The following AGAP1 variants were observed in gnomAD, a reference collection of about 807,000 sequenced individuals.
AGAP1 encodes arf-GAP with GTPase, ANK repeat and PH domain-containing protein 1.
Under a neutral mutation model 105.3 loss-of-function variants are expected in AGAP1, and 29 were observed. That is an observed-to-expected ratio of 0.28 (90% CI 0.21 to 0.38). The LOEUF is 0.38. Among genes scored for constraint, AGAP1 ranks in the 10% least tolerant of loss-of-function variants. AGAP1 has a pLI of 1.00. For missense variants in AGAP1, 998 were observed against 1,165.1 expected (o/e 0.86, Z 2.09); for synonymous variants, 509 against 485.9 (o/e 1.05, Z -0.63).
intron 6 of AGAP1, among the ~76,000 whole-genome samples, chr2:235,764,282 ATC>A (rs1262771051): frequency 6.6e-6 from 1 of 152,052 alleles, no homozygotes; most frequent in Non-Finnish European, 1.5e-5. Context: ...GGGCTTGAGA[ATC>A]TCTCTCTACC....
In AGAP1 at chr2:235,992,204, T is replaced by A. The variant is rs1184940629; in HGVS notation, c.1645+23581T>A. 6.6e-6 allele frequency among the ~76,000 whole-genome samples: 1 copy of A among 151,818 alleles called. No homozygotes were observed. Among genetic ancestry groups the A allele is most frequent in the East Asian group, 1.9e-4 (1 of 5,150 alleles). On this transcript the variant is annotated intron_variant, in intron 13 of 17. Transcript: ENST00000304032. The surrounding 1 kb of genome is among the most constrained non-coding windows in gnomAD (Gnocchi z 4.8). ...GTTAGGAGCGCAGCGGAGGAGCCGG[T>A]CTTCCTGGGTCCATGTTGCGTGGTT...
At chr2:235,972,281 AC>A (rs1171045449) in intron 13 of AGAP1, among the ~76,000 whole-genome samples, 1 of 152,214 alleles carries the variant, frequency 6.6e-6, no homozygotes, top group Non-Finnish European at 1.5e-5. Context: ...CCCTATTGGA[AC>A]AAATAACTAG....
At chr2:236,024,866 C>G (rs192511805) in intron 13 of AGAP1, among the ~76,000 whole-genome samples, 5 of 152,300 alleles carry the variant, frequency 3.3e-5, no homozygotes, top group Admixed American at 1.3e-4. Context: ...TGCTAAAATA[C>G]TATTATAGTG....
At position 235,614,455 on chromosome 2, in the gene AGAP1, A is replaced by C. The variant is rs1946242680; in HGVS notation, c.164-94724A>C. 6.6e-6 allele frequency among the ~76,000 whole-genome samples: 1 copy of C among 151,986 alleles called. No homozygotes were observed. Among genetic ancestry groups the C allele is most frequent in the Non-Finnish European group, 1.5e-5 (1 of 68,002 alleles). On this transcript the variant is annotated intron_variant, in intron 1 of 17. Transcript: ENST00000304032. The surrounding 1 kb of genome is among the most constrained non-coding windows in gnomAD (Gnocchi z 4.7). ...ATGGGCTGGATGTATTTGGGGAGGGAAGAAGGCAGTTGTAGCTCAAGGGAG... is the reference window on the plus strand; with the variant it reads ...ATGGGCTGGATGTATTTGGGGAGGGCAGAAGGCAGTTGTAGCTCAAGGGAG...
chr2:235,686,588 C>CACATACATAT lies in AGAP1; in HGVS notation c.164-22591_164-22590insACATACATAT, dbSNP rs1553605459. Among the ~76,000 whole-genome samples, 313 of 108,514 alleles carry CACATACATAT rather than the reference C, an allele frequency of 2.9e-3. 4 individuals carry two copies. The highest frequency in any genetic ancestry group is 0.01 in the African/African-American group (301 of 29,762). 71.2% of individuals were successfully genotyped at this position (108,514 alleles called of 152,430 possible). A position where few individuals can be genotyped will look rare whatever the true frequency, so the allele number is the denominator to read the frequency against. ...ACACACACACACACACACACACACA[C>CACATACATAT]GTGTGTGTGTATATATATACGTGGA... On this transcript the variant is annotated intron_variant, in intron 1 of 17. Coordinates refer to ENST00000304032, the MANE Select transcript of AGAP1 (RefSeq NM_001037131.3).
chr2:235,666,967 G>A (rs1029957794), intron 1 of AGAP1, among the ~76,000 whole-genome samples: 1 of 152,094 alleles, frequency 6.6e-6, no homozygotes, highest in Non-Finnish European at 1.5e-5. Flanking sequence ...TCCCACCCTT[G>A]ACAGTAGCAG....
chr2:235,599,519 C>T lies in AGAP1; in HGVS notation c.163+104670C>T, dbSNP rs1945657366. 6.6e-6 allele frequency among the ~76,000 whole-genome samples: 1 copy of T among 152,256 alleles called. No homozygotes were observed. The highest frequency in any genetic ancestry group is 1.5e-5 in the Non-Finnish European group (1 of 68,022). On this transcript the variant is annotated intron_variant, in intron 1 of 17. Transcript: ENST00000304032. This position sits in a 1 kb window ranked among gnomAD's most constrained non-coding sequence, Gnocchi z 5.3. ...TATCTTACTCTTTATTCCATAGCCA[C>T]AAAAATAAGTTTATAAAAAGCCCCC...
rs1359239918 is a variant in AGAP1, at chr2:236,089,295, A to G, written c.2115-30897A>G. Among the ~76,000 whole-genome samples, 3 of 152,246 alleles carry G rather than the reference A, an allele frequency of 2.0e-5. No homozygotes were observed. The highest frequency in any genetic ancestry group is 4.4e-5 in the Non-Finnish European group (3 of 68,054). On this transcript the variant is annotated intron_variant, in intron 16 of 17. Transcript: ENST00000304032. The surrounding 1 kb of genome is among the most constrained non-coding windows in gnomAD (Gnocchi z 5.6). ...TAACACAAAGAGCAAACTGACACACAGTTTCCCTGGGCATTGCTACATATT... is the reference window on the plus strand; with the variant it reads ...TAACACAAAGAGCAAACTGACACACGGTTTCCCTGGGCATTGCTACATATT...
At position 235,729,353 on chromosome 2, in the gene AGAP1, A is replaced by G. The variant is rs956332247; in HGVS notation, c.311-11610A>G. 3.3e-5 allele frequency among the ~76,000 whole-genome samples: 5 copies of G among 151,936 alleles called. No individual in the cohort carries two copies. Among genetic ancestry groups the G allele is most frequent in the Non-Finnish European group, 7.4e-5 (5 of 67,986 alleles). ...GGGCAGCATCTCGGCTGGGAGCCCC[A>G]GGGAGCCTGGCAGTACCTCAGTGGC... On this transcript the variant is annotated intron_variant, in intron 3 of 17. Coordinates refer to ENST00000304032, the MANE Select transcript of AGAP1 (RefSeq NM_001037131.3). This position sits in a 1 kb window ranked among gnomAD's most constrained non-coding sequence, Gnocchi z 5.0.
intron 12 of AGAP1, among the ~76,000 whole-genome samples, chr2:235,952,572 GA>G (rs2053782173): frequency 2.0e-5 from 3 of 152,272 alleles, no homozygotes; most frequent in Middle Eastern, 3.4e-3. Flanking sequence ...GGATTAGTGT[GA>G]AGTGTTTGCA....
chr2:235,730,161 AAG>A (rs1361560122), intron 3 of AGAP1, among the ~76,000 whole-genome samples: 3 of 152,134 alleles, frequency 2.0e-5, no homozygotes, highest in African/African-American at 7.2e-5. Flanking sequence ...CATATTGAAA[AAG>A]AGAGTTCATG....
intron 16 of AGAP1, among the ~76,000 whole-genome samples, chr2:236,064,846 A>G (rs1343190682): frequency 1.3e-5 from 2 of 152,250 alleles, no homozygotes; most frequent in Non-Finnish European, 2.9e-5. Context: ...TTGCCAAACT[A>G]TACCTTTCTA....
chr2:235,539,895 C>A (rs1943376887), intron 1 of AGAP1, among the ~76,000 whole-genome samples: 1 of 152,018 alleles, frequency 6.6e-6, no homozygotes. Flanking sequence ...GAAAACAAGC[C>A]CTTTTAGTCT....
At chr2:235,711,123 C>T (rs940206167) in intron 2 of AGAP1, among the ~76,000 whole-genome samples, 1 of 152,206 alleles carries the variant, frequency 6.6e-6, no homozygotes, top group African/African-American at 2.4e-5. Context: ...AAACCTCCTG[C>T]GTCTGCACTG....
intron 11 of AGAP1, among the ~76,000 whole-genome samples, chr2:235,916,885 C>T (rs2051912485): frequency 6.6e-6 from 1 of 152,206 alleles, no homozygotes; most frequent in African/African-American, 2.4e-5. Flanking sequence ...TGCTCCCCAA[C>T]AGACAGCATC....
chr2:235,894,343 T>G (rs1314443722), intron 10 of AGAP1, among the ~76,000 whole-genome samples: 1 of 152,172 alleles, frequency 6.6e-6, no homozygotes, highest in Non-Finnish European at 1.5e-5. Flanking sequence ...CTTGAGTCCG[T>G]GATGTTCTTC....
rs1387976989 is a variant in AGAP1, at chr2:235,620,585, C to T, written c.164-88594C>T. Among the ~76,000 whole-genome samples, 2 of 152,214 alleles carry T rather than the reference C, an allele frequency of 1.3e-5. No homozygotes were observed. The highest frequency in any genetic ancestry group is 4.8e-5 in the African/African-American group (2 of 41,456). The stretch of plus-strand genomic sequence containing the variant: ...ACCTCCAGTGTCATTGAGGACCCTC[C>T]GTGGCACCTGGCCTTCCTCCCAGCC... On this transcript the variant is annotated intron_variant, in intron 1 of 17. Coordinates refer to ENST00000304032, the MANE Select transcript of AGAP1 (RefSeq NM_001037131.3). The surrounding 1 kb of genome is among the most constrained non-coding windows in gnomAD (Gnocchi z 4.5).
Position 235,692,955 on chromosome 2 carries a change from A to G in AGAP1, c.164-16224A>G, listed in dbSNP as rs1429063921. Among the ~76,000 whole-genome samples the G allele has an allele frequency of 6.6e-6, 1 of 151,844 alleles. No homozygotes were observed. The highest frequency in any genetic ancestry group is 2.4e-5 in the African/African-American group (1 of 41,330). ...GGTGGCATCAGTGGAGTTGGCAGGT[A>G]CTGTGCATGGGAGAGGGAGTGTGGC... On this transcript the variant is annotated intron_variant, in intron 1 of 17. Coordinates refer to ENST00000304032, the MANE Select transcript of AGAP1 (RefSeq NM_001037131.3). The surrounding 1 kb of genome is among the most constrained non-coding windows in gnomAD (Gnocchi z 5.8).
Position 235,840,478 on chromosome 2 carries a change from T to A in AGAP1, c.1050+33147T>A, listed in dbSNP as rs568565908. On this transcript the variant is annotated intron_variant, in intron 9 of 17. Transcript: ENST00000304032. ...TCTATACTTCTCCCTTTAGAAGCCA[T>A]GCACTGTGGTGGGTCAGATCTCAAT... Among the ~76,000 whole-genome samples, 13 of 152,336 alleles carry A rather than the reference T, an allele frequency of 8.5e-5. No homozygotes were observed. In the South Asian group the frequency reaches 1.7e-3, roughly 19 times the overall value.
Sources: gnomAD v4.1 joint callset for allele counts (sites outside exome capture counted in the v4.1 genomes callset) on GRCh38, gnomAD v4.1.1 for gene constraint, Gnocchi (gnomAD v3.1) non-coding constraint, MANE v1.5 for transcripts, NCBI Gene and HGNC (gene_info 2026-07-23, HGNC 2026-07-21) for gene names.